The following SCLT1 variants were observed in gnomAD, a reference collection of about 807,000 sequenced individuals.
SCLT1 encodes sodium channel and clathrin linker 1.
A neutral mutation model predicts 112.8 loss-of-function variants in SCLT1; 78 were observed. The observed-to-expected ratio is 0.69, with a 90% CI of 0.58 to 0.83. The LOEUF is 0.83. Among genes scored for constraint, SCLT1 ranks in the 40% least tolerant of loss-of-function variants. SCLT1 has a pLI of 0.00. For missense variants in SCLT1, 747 were observed against 770.4 expected, an observed-to-expected ratio of 0.97 and a Z score of 0.36; for synonymous variants, 257 against 254.7, an observed-to-expected ratio of 1.01 and a Z score of -0.09.
chr4:128,911,452 G>A (rs1287035533), intron 18 of SCLT1, among the ~76,000 whole-genome samples: 2 of 151,836 alleles, frequency 1.3e-5, no homozygotes, highest in Non-Finnish European at 2.9e-5. Flanking sequence ...AGCTAAGAGG[G>A]GATAATTATA....
chr4:129,020,269 C>T (rs1198070690), intron 5 of SCLT1, among the ~76,000 whole-genome samples: 1 of 152,150 alleles, frequency 6.6e-6, no homozygotes, highest in Non-Finnish European at 1.5e-5. Context: ...AAGTAAGGTC[C>T]TCCATAAATA....
intron 20 of SCLT1, among the ~76,000 whole-genome samples, chr4:128,886,915 TG>T (rs1483364199): frequency 3.3e-5 from 5 of 152,228 alleles, no homozygotes; most frequent in African/African-American, 4.8e-5. Flanking sequence ...CTTTGCCATT[TG>T]CCTTAAAAAA....
intron 14 of SCLT1, among the ~76,000 whole-genome samples, chr4:128,950,157 G>A (rs1280222284): frequency 6.6e-6 from 1 of 152,052 alleles, no homozygotes; most frequent in Non-Finnish European, 1.5e-5. Flanking sequence ...ATCTAGGAGA[G>A]GGTAGTTTCA....
intron 11 of SCLT1, among the ~76,000 whole-genome samples, chr4:128,960,717 G>A (rs1326367287): frequency 6.6e-5 from 10 of 151,010 alleles, no homozygotes; most frequent in East Asian, 2.0e-4. Context: ...TCAGGAGATC[G>A]AGACCATCCT....
rs918038587 is a variant in SCLT1 at position 129,092,989 on chromosome 4, C to G, written c.34+81G>C. The G allele has an allele frequency of 2.9e-6, 3 of 1,031,208 alleles. No individual in the cohort carries two copies. The East Asian group carries it at 7.1e-5, about 24-fold the overall frequency. The allele number at this position is 1,031,208 out of a possible 1,614,324, so 63.9% of individuals were successfully genotyped here. The stretch of plus-strand genomic sequence containing the variant: ...CTTTACCAATTTAAATGTACCCAAC[C>G]AGCATTCAAAAAAGATTTGTCGGTC... On this transcript the variant is annotated intron_variant, in intron 1 of 20. Coordinates refer to ENST00000281142, the MANE Select transcript of SCLT1 (RefSeq NM_144643.4).
At chr4:129,003,994 G>T in intron 5 of SCLT1, 118 bp from the exon 6 acceptor site, 1 of 856,614 alleles carries the variant, frequency 1.2e-6, no homozygotes, top group Non-Finnish European at 1.9e-6. Context: ...TCATTTTTAA[G>T]TAGACTTCAA....
At chr4:129,057,879 G>A (rs773695974) in intron 2 of SCLT1, among the ~76,000 whole-genome samples, 2 of 151,824 alleles carry the variant, frequency 1.3e-5, no homozygotes, top group Non-Finnish European at 2.9e-5. Context: ...AGTCATCCAA[G>A]TAACTGAAAT....
downstream of SCLT1, among the ~76,000 whole-genome samples, chr4:128,879,475 T>C (rs1026025869): frequency 1.3e-5 from 2 of 152,178 alleles, 1 homozygote; most frequent in Admixed American, 1.3e-4. Flanking sequence ...AAAGATACAA[T>C]GTTGCACAAT....
At chr4:128,950,526 A>G (rs898248156) in intron 14 of SCLT1, among the ~76,000 whole-genome samples, 10 of 152,198 alleles carry the variant, frequency 6.6e-5, no homozygotes, top group African/African-American at 2.4e-4. Context: ...CACCACTGAC[A>G]TGCCTACCTT....
chr4:128,943,014 T>C lies in SCLT1; in HGVS notation c.1614A>G (p.Gln538=), dbSNP rs1330018860. The C allele has an allele frequency of 1.2e-6, 2 of 1,605,548 alleles. No individual in the cohort carries two copies. Among genetic ancestry groups the C allele is most frequent in the East Asian group, 4.5e-5 (2 of 44,790 alleles). The change falls in exon 17 of 21, where the codon CAA becomes CAG. Residue 538 remains glutamine (Q), a synonymous_variant. Transcript: ENST00000281142. Reference sequence around the variant, plus strand: ...AAAATACCTTTACTTTGGCTTTTTTTTGAGCCTCCAGGGCAATCTTCCTTA... The same window carrying C: ...AAAATACCTTTACTTTGGCTTTTTTCTGAGCCTCCAGGGCAATCTTCCTTA... ...ESLRKIALEA[Q]KKAKVKISTM...
Position 129,093,202 on chromosome 4 carries a change from T to A in SCLT1, c.-99A>T. ...AAAACAAAACTAAGCCAACGCTCGG[T>A]TGGTTGTCAAGCGCTCCAGCGGTGC... On this transcript the variant is annotated 5_prime_UTR_variant, in exon 1 of 21. Coordinates refer to ENST00000281142, the MANE Select transcript of SCLT1 (RefSeq NM_144643.4). The A allele has an allele frequency of 4.3e-6, 5 of 1,169,014 alleles. No homozygotes were observed. Among genetic ancestry groups the A allele is most frequent in the South Asian group, 2.4e-5 (2 of 81,886 alleles). 72.4% of individuals were successfully genotyped at this position (1,169,014 alleles called of 1,614,324 possible).
intron 12 of SCLT1, among the ~76,000 whole-genome samples, chr4:128,958,585 C>G (rs1376410805): frequency 6.6e-6 from 1 of 152,088 alleles, no homozygotes; most frequent in Non-Finnish European, 1.5e-5. Context: ...TTTTTAATGG[C>G]TTGGTATAAG....
At chr4:129,055,019 C>G (rs1749222965) in intron 2 of SCLT1, among the ~76,000 whole-genome samples, 1 of 152,200 alleles carries the variant, frequency 6.6e-6, no homozygotes, top group Admixed American at 6.5e-5. Flanking sequence ...TCAGTCCCCT[C>G]TTCTACAGGT....
intron 11 of SCLT1, among the ~76,000 whole-genome samples, chr4:128,964,714 T>C (rs1464875771): frequency 6.6e-6 from 1 of 152,208 alleles, no homozygotes; most frequent in African/African-American, 2.4e-5. Context: ...TACAGAATTA[T>C]AGAGGGGTTG....
intron 12 of SCLT1, 121 bp downstream of exon 12, chr4:128,959,479 A>G (rs1395776346): frequency 2.9e-6 from 2 of 698,368 alleles, no homozygotes; most frequent in African/African-American, 3.6e-5. Context: ...TTACTAATGA[A>G]AAGAGTAGCA....
At chr4:129,092,815 G>A (rs1412757762) in intron 1 of SCLT1, among the ~76,000 whole-genome samples, 1 of 152,180 alleles carries the variant, frequency 6.6e-6, no homozygotes, top group African/African-American at 2.4e-5. Context: ...CTAATCTTCA[G>A]AGCACGAGAG....
intron 9 of SCLT1, among the ~76,000 whole-genome samples, chr4:128,983,043 C>T (rs1741798147): frequency 6.6e-6 from 1 of 151,924 alleles, no homozygotes; most frequent in Non-Finnish European, 1.5e-5. Flanking sequence ...CATATGCCAC[C>T]ACGTCCGGCT....
intron 9 of SCLT1, among the ~76,000 whole-genome samples, chr4:128,978,330 T>C (rs753313540): frequency 9.2e-5 from 14 of 152,182 alleles, no homozygotes; most frequent in Non-Finnish European, 8.8e-5. Context: ...AGGGTAGATA[T>C]GATCATCTAT....
intron 5 of SCLT1, among the ~76,000 whole-genome samples, chr4:129,016,534 C>T (rs2126113845): frequency 6.6e-6 from 1 of 152,268 alleles, no homozygotes; most frequent in Admixed American, 6.5e-5. Flanking sequence ...GTCAATCTTC[C>T]TGTTCCTAAT....
Sources: gnomAD v4.1 joint callset for allele counts (sites outside exome capture counted in the v4.1 genomes callset) on GRCh38, gnomAD v4.1.1 for gene constraint, MANE v1.5 for transcripts, NCBI Gene and HGNC (gene_info 2026-07-23, HGNC 2026-07-21) for gene names.